Variants in PCDH15 observed in about 807,000 individuals in gnomAD.
PCDH15 encodes the protein protocadherin related 15.
PCDH15 carries 129 observed loss-of-function variants against 178.5 expected under a neutral mutation model. The observed-to-expected ratio is 0.72, with a 90% CI of 0.63 to 0.84. The LOEUF is 0.84. Ranked by LOEUF, PCDH15 falls within the 40% of genes least tolerant of loss-of-function variation. The pLI is 0.00. For missense variants in PCDH15, 2,230 were observed against 2,099.9 expected (o/e 1.06, Z -1.21); for synonymous variants, 800 against 732.0 (o/e 1.09, Z -1.50).
intron 25 of PCDH15, among the ~76,000 whole-genome samples, chr10:53,923,445 C>A (rs1270644218): frequency 6.6e-6 from 1 of 152,186 alleles, no homozygotes; most frequent in Non-Finnish European, 1.5e-5. Flanking sequence ...TGTTTCTTAT[C>A]TCTGAATCAT....
intron 3 of PCDH15, among the ~76,000 whole-genome samples, chr10:54,856,332 G>A (rs1278050805): frequency 6.6e-6 from 1 of 152,122 alleles, no homozygotes; most frequent in Non-Finnish European, 1.5e-5. Context: ...CATTTTTATT[G>A]TAAAAAGCAC....
At chr10:54,422,071 AC>A in intron 3 of PCDH15, among the ~76,000 whole-genome samples, 1 of 151,386 alleles carries the variant, frequency 6.6e-6, no homozygotes, top group Admixed American at 6.6e-5. Context: ...TAAATAAATA[AC>A]TTTTATTTTC....
intron 10 of PCDH15, among the ~76,000 whole-genome samples, chr10:54,197,107 T>C (rs957459743): frequency 6.6e-6 from 1 of 152,150 alleles, no homozygotes; most frequent in African/African-American, 2.4e-5. Context: ...ATAAATTTCA[T>C]TGTAATGTTG....
At chr10:54,037,916 T>C (rs564589019) in intron 18 of PCDH15, among the ~76,000 whole-genome samples, 1 of 152,138 alleles carries the variant, frequency 6.6e-6, no homozygotes, top group Non-Finnish European at 1.5e-5. Flanking sequence ...TTACTCCTGC[T>C]ACTTTCATAA....
At chr10:54,149,205 G>A (rs2044273704) in intron 14 of PCDH15, among the ~76,000 whole-genome samples, 1 of 151,950 alleles carries the variant, frequency 6.6e-6, no homozygotes, top group Admixed American at 6.6e-5. Context: ...ACCCCAGAAA[G>A]CCCAGAATTT....
intron 20 of PCDH15, among the ~76,000 whole-genome samples, chr10:53,996,495 T>C (rs1440745635): frequency 6.6e-6 from 1 of 152,166 alleles, no homozygotes; most frequent in Non-Finnish European, 1.5e-5. Context: ...AGCACTTCAG[T>C]GCGAGGCACT....
intron 2 of PCDH15, among the ~76,000 whole-genome samples, chr10:55,554,000 C>A (rs1397058810): frequency 2.0e-5 from 3 of 151,918 alleles, no homozygotes; most frequent in Admixed American, 1.3e-4. Flanking sequence ...TACCTAAATT[C>A]TTCTGGGGTT....
chr10:54,665,476 A>G (rs1378688134), intron 1 of PCDH15, among the ~76,000 whole-genome samples: 1 of 152,070 alleles, frequency 6.6e-6, no homozygotes. Context: ...GATAAGGTTT[A>G]TCAGAGGGTA....
chr10:54,929,696 CA>C (rs1398204058), intron 2 of PCDH15, among the ~76,000 whole-genome samples: 1 of 152,112 alleles, frequency 6.6e-6, no homozygotes, highest in Non-Finnish European at 1.5e-5. Flanking sequence ...GGAAATTTCA[CA>C]AACAAGTCTG....
chr10:53,808,684 G>A lies in PCDH15; in HGVS notation c.4672-1554C>T, dbSNP rs1185822007. The A allele has an allele frequency of 1.9e-6, 3 of 1,609,740 alleles. No homozygotes were observed. The African/African-American group carries it at 4.0e-5, about 22-fold the overall frequency. ...TCACAGCAAAACTTCCACCTACTGT[G>A]ATCTCTTTCAAAGTGCTGTGTTGTA... On this transcript the variant is annotated intron_variant, in intron 37 of 37. Transcript: ENST00000644397.
chr10:55,532,038 G>A (rs1841465864), intron 2 of PCDH15, among the ~76,000 whole-genome samples: 1 of 151,658 alleles, frequency 6.6e-6, no homozygotes, highest in Non-Finnish European at 1.5e-5. Flanking sequence ...ATTCTGTTTT[G>A]GAAATTTAAT....
At chr10:55,548,727 GT>G (rs1841942831) in intron 2 of PCDH15, among the ~76,000 whole-genome samples, 1 of 152,112 alleles carries the variant, frequency 6.6e-6, no homozygotes, top group African/African-American at 2.4e-5. Flanking sequence ...AGCAAAGGAA[GT>G]TTTAAGGGTC....
intron 20 of PCDH15, among the ~76,000 whole-genome samples, chr10:54,001,727 A>G (rs1047228025): frequency 7.2e-5 from 11 of 152,108 alleles, no homozygotes; most frequent in African/African-American, 2.7e-4. Flanking sequence ...GTTATAAAAA[A>G]TAACATTGAA....
chr10:54,033,000 C>T (rs2093336044), intron 18 of PCDH15, among the ~76,000 whole-genome samples: 1 of 151,790 alleles, frequency 6.6e-6, no homozygotes. Flanking sequence ...AAGCCTCCCC[C>T]ATGATCCAGT....
chr10:54,481,725 TTTC>T (rs1565384837), intron 3 of PCDH15, among the ~76,000 whole-genome samples: 2 of 151,982 alleles, frequency 1.3e-5, no homozygotes, highest in East Asian at 3.9e-4. Flanking sequence ...GATTTTGATA[TTTC>T]TACAATGAAC....
chr10:54,288,716 G>A (rs1366332242), intron 8 of PCDH15, among the ~76,000 whole-genome samples: 1 of 152,220 alleles, frequency 6.6e-6, no homozygotes, highest in African/African-American at 2.4e-5. Flanking sequence ...ATTCTCTCCT[G>A]TGCCTGGCTC....
chr10:55,077,438 T>TTCCTTCCTTC (rs773469694), intron 2 of PCDH15, among the ~76,000 whole-genome samples: 4 of 74,834 alleles, frequency 5.3e-5, no homozygotes, highest in African/African-American at 2.0e-4. Flanking sequence ...TTCCTTCCTT[T>TTCCTTCCTTC]CTTCCTTCCT....
chr10:54,189,697 C>T (rs559680294), intron 11 of PCDH15, among the ~76,000 whole-genome samples: 3 of 152,054 alleles, frequency 2.0e-5, no homozygotes, highest in East Asian at 3.9e-4. Flanking sequence ...AATGAGTAAT[C>T]TTTATTGATT....
intron 17 of PCDH15, among the ~76,000 whole-genome samples, chr10:54,068,989 A>C (rs2135835828): frequency 6.6e-6 from 1 of 152,320 alleles, no homozygotes; most frequent in East Asian, 1.9e-4. Flanking sequence ...TTTCCTCGTT[A>C]CTTTTATATA....
Sources: gnomAD v4.1 joint callset for allele counts (sites outside exome capture counted in the v4.1 genomes callset) on GRCh38, gnomAD v4.1.1 for gene constraint, MANE v1.5 for transcripts, NCBI Gene and HGNC (gene_info 2026-07-23, HGNC 2026-07-21) for gene names.